FBXW11: variants seen among roughly 807,000 people sequenced by gnomAD.
FBXW11 encodes the protein F-box/WD repeat-containing protein 11.
A neutral mutation model predicts 77.6 loss-of-function variants in FBXW11; 19 were observed. The ratio of observed to expected loss-of-function variants is 0.24; its 90% confidence interval spans 0.17 to 0.36. FBXW11 has a LOEUF of 0.36. FBXW11 is among the 10% of genes least tolerant of loss of function. The probability of loss-of-function intolerance (pLI) is 1.00; values close to 1 mark genes in which losing one functional copy is unlikely to be tolerated. For synonymous variants in FBXW11, 235 were observed against 249.4 expected (o/e 0.94, Z 0.54); for missense variants, 334 against 704.2 (o/e 0.47, Z 5.95).
At position 171,912,667 on chromosome 5, in the gene FBXW11, G is replaced by A. The variant is rs1581189943; in HGVS notation, c.210+1676C>T. On this transcript the variant is annotated intron_variant, in intron 3 of 13. Transcript: ENST00000517395. ...CATGCCTGTAATCCCAGCACTTTGGGAGGCCAAGTTGGCTGGATCACTTAA... is the reference window on the plus strand; with the variant it reads ...CATGCCTGTAATCCCAGCACTTTGGAAGGCCAAGTTGGCTGGATCACTTAA... Among the ~76,000 whole-genome samples, 4 of 152,276 alleles carry A rather than the reference G, an allele frequency of 2.6e-5. 1 individual carries two copies. Among genetic ancestry groups the A allele is most frequent in the Admixed American group, 2.6e-4 (4 of 15,294 alleles).
chr5:171,957,474 A>G, intron 2 of FBXW11, 123 bp downstream of exon 2: 1 of 938,750 alleles, frequency 1.1e-6, no homozygotes, highest in Non-Finnish European at 1.7e-6. Context: ...GGCTGGAGGA[A>G]AGCAGAGGGT....
rs570514611 is a variant in FBXW11 at position 171,866,562 on chromosome 5, G to A, written c.*25+2048C>T. Among the ~76,000 whole-genome samples the A allele has an allele frequency of 4.2e-4, 64 of 152,294 alleles. No individual in the cohort carries two copies. In the South Asian group the frequency reaches 0.013, roughly 32 times the overall value. On this transcript the variant is annotated intron_variant, in intron 13 of 13. Transcript: ENST00000517395. ...ATAAGAAACAGCATTGGTGATCACT[G>A]CTTCATCTCTCAACCAAAGGAATCT...
chr5:171,939,490 A>C (rs1290534602), intron 2 of FBXW11, among the ~76,000 whole-genome samples: 1 of 152,046 alleles, frequency 6.6e-6, no homozygotes, highest in Admixed American at 6.5e-5. Flanking sequence ...TGAGCCTAGG[A>C]GTTCAAGACC....
intron 1 of FBXW11, among the ~76,000 whole-genome samples, chr5:171,965,508 A>G (rs1047372311): frequency 1.3e-5 from 2 of 151,670 alleles, no homozygotes; most frequent in African/African-American, 4.9e-5. Flanking sequence ...CCTGGGCAAC[A>G]GAGTGAGACT....
intron 2 of FBXW11, among the ~76,000 whole-genome samples, chr5:171,919,800 T>C (rs1374497324): frequency 6.6e-6 from 1 of 152,202 alleles, no homozygotes; most frequent in Admixed American, 6.5e-5. Flanking sequence ...ATATATATTA[T>C]AGCTATTTGC....
In FBXW11 at chr5:171,899,003, C is replaced by T; in HGVS notation, c.714+1G>A. 1 of 1,565,570 alleles carries T rather than the reference C, an allele frequency of 6.4e-7. No individual in the cohort carries two copies. The highest frequency in any genetic ancestry group is 8.7e-7 in the Non-Finnish European group (1 of 1,152,434). On this transcript the variant is annotated splice_donor_variant, in intron 6 of 13. Transcript: ENST00000517395. LOFTEE classifies it high-confidence loss of function. Reference sequence around the variant, plus strand: ...ATAAAACAGATAAATCATAAAGTTACCTCTATATCCTGGATAATCTTTGGG... The same window carrying T: ...ATAAAACAGATAAATCATAAAGTTATCTCTATATCCTGGATAATCTTTGGG...
At chr5:171,880,140 A>G (rs1036712181) in intron 7 of FBXW11, among the ~76,000 whole-genome samples, 21 of 152,226 alleles carry the variant, frequency 1.4e-4, no homozygotes, top group African/African-American at 4.6e-4. Context: ...TAGACTGTTT[A>G]AGGGTAAGGG....
intron 1 of FBXW11, among the ~76,000 whole-genome samples, chr5:171,966,833 T>C (rs1764217432): frequency 6.6e-6 from 1 of 152,142 alleles, no homozygotes. Context: ...GAAGGATAAA[T>C]TGGGAGGGGG....
In FBXW11 at chr5:171,910,812, C is replaced by CA. The variant is rs141816858; in HGVS notation, c.211-16dup. The stretch of plus-strand genomic sequence containing the variant: ...CCATTACTTATCTATTTTAGAAAAA[C>CA]AAAAAAAAAATTAGTTTAACAAGGA... On this transcript the variant is annotated splice_polypyrimidine_tract_variant and intron_variant, in intron 3 of 13. Transcript: ENST00000517395. 3.4e-3 allele frequency: 4,718 copies of CA among 1,368,312 alleles called. 1 individual carries two copies. Among genetic ancestry groups the CA allele is most frequent in the African/African-American group, 7.6e-3 (507 of 66,860 alleles). The allele number at this position is 1,368,312 out of a possible 1,614,324, so 84.8% of individuals were successfully genotyped here. A position where few individuals can be genotyped will look rare whatever the true frequency, so the allele number is the denominator to read the frequency against.
intron 1 of FBXW11, among the ~76,000 whole-genome samples, chr5:171,999,131 T>C (rs1766258422): frequency 6.6e-6 from 1 of 152,164 alleles, no homozygotes; most frequent in Non-Finnish European, 1.5e-5. Flanking sequence ...TTCTCAAGTT[T>C]TTCCCATTAA....
At chr5:171,912,839 G>C (rs1397457940) in intron 3 of FBXW11, among the ~76,000 whole-genome samples, 1 of 152,082 alleles carries the variant, frequency 6.6e-6, no homozygotes, top group Non-Finnish European at 1.5e-5. Flanking sequence ...GAACCTGGGA[G>C]GCGGAGGGTG....
intron 1 of FBXW11, among the ~76,000 whole-genome samples, chr5:171,974,344 G>C (rs974121968): frequency 3.3e-5 from 5 of 151,204 alleles, no homozygotes; most frequent in African/African-American, 1.2e-4. Context: ...TGAGGCAGGA[G>C]AATCACTGGA....
chr5:171,863,349 A>G lies in FBXW11; in HGVS notation c.*778T>C, dbSNP rs1757199533. The G allele has an allele frequency of 6.5e-6, 1 of 152,734 alleles. No homozygotes were observed. The allele number at this position is 152,734 out of a possible 1,614,324, so 9.5% of individuals were successfully genotyped here. On this transcript the variant is annotated 3_prime_UTR_variant, in exon 14 of 14. Transcript: ENST00000517395. ...ACTTTGAGGTTAAACTGTTATGTAC[A>G]TTATATCTACATGCGAATACAGTAT...
chr5:171,863,528 T>A lies in FBXW11; in HGVS notation c.*599A>T, dbSNP rs1313752089. 6.6e-6 allele frequency: 1 copy of A among 152,516 alleles called. No homozygotes were observed. The highest frequency in any genetic ancestry group is 1.5e-5 in the Non-Finnish European group (1 of 68,028). 9.4% of individuals were successfully genotyped at this position (152,516 alleles called of 1,614,324 possible). A position where few individuals can be genotyped will look rare whatever the true frequency, so the allele number is the denominator to read the frequency against. Reference sequence around the variant, plus strand: ...TATAGTTCTTTAAATTAAAAGAAATTGGTACAGAAAGGAAGTATAATCCCA... The same window carrying A: ...TATAGTTCTTTAAATTAAAAGAAATAGGTACAGAAAGGAAGTATAATCCCA... On this transcript the variant is annotated 3_prime_UTR_variant, in exon 14 of 14. Coordinates refer to ENST00000517395, the MANE Select transcript of FBXW11 (RefSeq NM_001378974.1).
intron 10 of FBXW11, among the ~76,000 whole-genome samples, chr5:171,871,377 A>G (rs1275217333): frequency 1.3e-5 from 2 of 152,180 alleles, no homozygotes; most frequent in African/African-American, 4.8e-5. Flanking sequence ...TGGAGTCCAT[A>G]AGGACCACTG....
At chr5:171,890,594 C>A (rs1181722808) in intron 7 of FBXW11, among the ~76,000 whole-genome samples, 1 of 152,076 alleles carries the variant, frequency 6.6e-6, no homozygotes, top group African/African-American at 2.4e-5. Flanking sequence ...ATACACTTAC[C>A]ATATGAGCCA....
intron 2 of FBXW11, chr5:171,916,433 G>A: frequency 3.0e-6 from 3 of 985,168 alleles, no homozygotes; most frequent in Non-Finnish European, 3.6e-6. Flanking sequence ...ACAGGAGGGT[G>A]GGGCTCTATG....
At chr5:171,880,554 C>A (rs1758430669) in intron 7 of FBXW11, among the ~76,000 whole-genome samples, 1 of 152,190 alleles carries the variant, frequency 6.6e-6, no homozygotes, top group South Asian at 2.1e-4. Context: ...AGTCTTCCTA[C>A]CCATGAGCAT....
At chr5:171,936,188 A>G (rs185166663) in intron 2 of FBXW11, among the ~76,000 whole-genome samples, 2 of 152,008 alleles carry the variant, frequency 1.3e-5, no homozygotes, top group Admixed American at 1.3e-4. Flanking sequence ...CAGACAAAGA[A>G]ATAACACAAC....
Sources: gnomAD v4.1 joint callset for allele counts (sites outside exome capture counted in the v4.1 genomes callset) on GRCh38, gnomAD v4.1.1 for gene constraint, MANE v1.5 for transcripts, NCBI Gene and HGNC (gene_info 2026-07-23, HGNC 2026-07-21) for gene names.